The following HMCN1 variants were observed in gnomAD, a reference collection of about 807,000 sequenced individuals.
HMCN1 encodes the protein hemicentin 1, also known as hemicentin-1.
In HMCN1, 321 loss-of-function variants were observed where a neutral mutation model predicts 625.9. That is an observed-to-expected ratio of 0.51 (90% CI 0.47 to 0.56). HMCN1 has a LOEUF of 0.56. Among genes scored for constraint, HMCN1 ranks in the 20% least tolerant of loss-of-function variants. The pLI is 0.00. For missense variants in HMCN1, 6,588 were observed against 6,887.3 expected (o/e 0.96, Z 1.54); for synonymous variants, 2,425 against 2,417.6 (o/e 1.00, Z -0.09).
chr1:186,088,644 G>A lies in HMCN1; in HGVS notation c.9616G>A (p.Gly3206Ser). Residue 3206 changes from glycine to serine, a missense_variant, in exon 63 of 107, where the codon GGT (glycine) becomes AGT (serine). Transcript: ENST00000271588. The part of the protein sequence containing the change: ...DSLEVRILSG[G>S]SKLQIARSQH... ...ACTGGAAGTTCGTATTTTGTCTGGA[G>A]GTAGCAAACTCCAGATTGCCCGGTC... 1 of 1,611,960 alleles carries A rather than the reference G, an allele frequency of 6.2e-7. No homozygotes were observed. Among genetic ancestry groups the A allele is most frequent in the South Asian group, 1.1e-5 (1 of 90,986 alleles).
intron 65 of HMCN1, 113 bp downstream of exon 65, chr1:186,093,371 A>G (rs1332502173): frequency 5.7e-6 from 9 of 1,579,322 alleles, no homozygotes; most frequent in Admixed American, 5.0e-5. Context: ...TGATGCCACC[A>G]CTATTTCCTT....
intron 4 of HMCN1, among the ~76,000 whole-genome samples, chr1:185,893,054 G>T (rs529203797): frequency 1.3e-5 from 2 of 152,332 alleles, no homozygotes; most frequent in South Asian, 2.1e-4. Context: ...CAGTATTCGG[G>T]TGCAAGTGAC....
chr1:185,948,644 A>T (rs1427237209), intron 11 of HMCN1, among the ~76,000 whole-genome samples: 1 of 151,744 alleles, frequency 6.6e-6, no homozygotes, highest in Non-Finnish European at 1.5e-5. Flanking sequence ...TTCTTTTTTG[A>T]TTCTTCAGTT....
At chr1:186,100,581 T>TA (rs1056429608) in intron 68 of HMCN1, among the ~76,000 whole-genome samples, 9 of 152,250 alleles carry the variant, frequency 5.9e-5, no homozygotes, top group African/African-American at 1.9e-4. Flanking sequence ...TTCAAAGTTC[T>TA]AAAAACGGAA....
Position 186,037,926 on chromosome 1 carries a change from T to A in HMCN1, c.5750-8T>A. The A allele has an allele frequency of 6.5e-7, 1 of 1,541,834 alleles. No homozygotes were observed. Among genetic ancestry groups the A allele is most frequent in the Non-Finnish European group, 9.0e-7 (1 of 1,114,206 alleles). ...TAAGAAATAATTATCTGTTTGGGCC[T>A]CTTGTAGAACCACCTAGTCTGGAAG... On this transcript the variant is annotated splice_region_variant and splice_polypyrimidine_tract_variant and intron_variant, in intron 36 of 106. Coordinates refer to ENST00000271588, the MANE Select transcript of HMCN1 (RefSeq NM_031935.3).
intron 11 of HMCN1, among the ~76,000 whole-genome samples, chr1:185,947,117 A>C (rs529290241): frequency 6.6e-6 from 1 of 152,218 alleles, no homozygotes; most frequent in African/African-American, 2.4e-5. Flanking sequence ...GATTTTGCGT[A>C]GTTCTTTGCT....
At chr1:185,889,624 G>A (rs1664913431) in intron 4 of HMCN1, among the ~76,000 whole-genome samples, 1 of 137,940 alleles carries the variant, frequency 7.2e-6, no homozygotes, top group Admixed American at 7.0e-5. Context: ...ATTGATTTGT[G>A]TATATTGAAC....
intron 2 of HMCN1, among the ~76,000 whole-genome samples, chr1:185,850,037 G>T (rs188089654): frequency 6.6e-5 from 10 of 152,132 alleles, no homozygotes; most frequent in South Asian, 2.1e-4. Context: ...CATTGTTCTG[G>T]TTGTTTAAAT....
chr1:186,167,814 GTTCAT>G (rs1651973724), intron 100 of HMCN1, among the ~76,000 whole-genome samples: 1 of 152,064 alleles, frequency 6.6e-6, no homozygotes, highest in South Asian at 2.1e-4. Flanking sequence ...TGGCTTGATA[GTTCAT>G]TTCTTTTAAT....
chr1:186,005,802 A>C (rs1023910242), intron 29 of HMCN1, among the ~76,000 whole-genome samples: 2 of 152,160 alleles, frequency 1.3e-5, no homozygotes, highest in Non-Finnish European at 2.9e-5. Context: ...TTTCAAAGTT[A>C]CTTAAATTCG....
At chr1:185,879,711 G>A (rs1018194972) in intron 4 of HMCN1, among the ~76,000 whole-genome samples, 6 of 152,176 alleles carry the variant, frequency 3.9e-5, no homozygotes, top group African/African-American at 1.4e-4. Context: ...GCAGATTGTT[G>A]TGAGAAAGTA....
chr1:186,057,278 A>C lies in HMCN1; in HGVS notation c.7189A>C (p.Ser2397Arg). The C allele has an allele frequency of 6.2e-7, 1 of 1,611,272 alleles. No homozygotes were observed. The highest frequency in any genetic ancestry group is 8.5e-7 in the Non-Finnish European group (1 of 1,177,890). ...IGNHRSPENI[S>R]VVEKNSVSLT... The stretch of plus-strand genomic sequence containing the variant: ...AAACCACAGGTCACCTGAAAATATT[A>C]GTGTGGTAGAAAAGAACTCAGTATC... Residue 2397 changes from serine to arginine, a missense_variant, in exon 46 of 107, where the codon AGT becomes CGT. By Grantham distance (110) the Ser-to-Arg change is moderately radical. Coordinates refer to ENST00000271588, the MANE Select transcript of HMCN1 (RefSeq NM_031935.3).
intron 4 of HMCN1, among the ~76,000 whole-genome samples, chr1:185,871,956 C>A (rs1057477749): frequency 6.6e-6 from 1 of 152,042 alleles, no homozygotes; most frequent in Non-Finnish European, 1.5e-5. Flanking sequence ...GAGTTTCACT[C>A]CAAAAATTAT....
Position 186,114,114 on chromosome 1 carries a change from A to G in HMCN1, c.11267A>G (p.Asn3756Ser). 1.9e-6 allele frequency: 3 copies of G among 1,614,094 alleles called. No homozygotes were observed. The highest frequency in any genetic ancestry group is 2.5e-6 in the Non-Finnish European group (3 of 1,179,954). The change falls in exon 73 of 107, where the codon AAT (asparagine) becomes AGT (serine). Residue 3756 changes from asparagine (N) to serine (S), a missense_variant. Coordinates refer to ENST00000271588, the MANE Select transcript of HMCN1 (RefSeq NM_031935.3). ...AAGGATGGAGCTGTTCTAGCTGGGA[A>G]TCATGCAAGGTAACCATACTGGAAA... is the stretch of plus-strand genomic sequence containing the variant. ...WRKDGAVLAGNHARYSILENG... is the reference protein window; with the variant it reads ...WRKDGAVLAGSHARYSILENG...
At position 186,036,868 on chromosome 1, in the gene HMCN1, G is replaced by T. The variant is rs138876439; in HGVS notation, c.5750-1066G>T. On this transcript the variant is annotated intron_variant, in intron 36 of 106. Transcript: ENST00000271588. ...GCCTCCCAAAGTGCTGGGATTACAG[G>T]TGTGAGCTACCACACCCGGCCACCC... is the stretch of plus-strand genomic sequence containing the variant. 6.2e-3 allele frequency among the ~76,000 whole-genome samples: 951 copies of T among 152,192 alleles called. 13 individuals are homozygous for T. The highest frequency in any genetic ancestry group is 0.021 in the African/African-American group (885 of 41,518).
intron 1 of HMCN1, among the ~76,000 whole-genome samples, chr1:185,809,039 T>A (rs1659346192): frequency 6.6e-6 from 1 of 152,160 alleles, no homozygotes; most frequent in South Asian, 2.1e-4. Context: ...TTGGTCAAAT[T>A]ATATTTCGAC....
At position 186,055,565 on chromosome 1, in the gene HMCN1, T is replaced by G; in HGVS notation, c.7035T>G (p.Gly2345=). The stretch of plus-strand genomic sequence containing the variant: ...AGGGAGTAGAAATACTGGATGAAGG[T>G]CACATCCTTCAGCTGAAGAACATTC... ...KAKGVEILDE[G]HILQLKNIHV... The change falls in exon 45 of 107, where the codon GGT becomes GGG. Residue 2345 remains glycine (G), a synonymous_variant. Coordinates refer to ENST00000271588, the MANE Select transcript of HMCN1 (RefSeq NM_031935.3). 1 of 1,612,458 alleles carries G rather than the reference T, an allele frequency of 6.2e-7. No homozygotes were observed. Among genetic ancestry groups the G allele is most frequent in the Non-Finnish European group, 8.5e-7 (1 of 1,178,914 alleles).
At chr1:185,981,913 C>G (rs1310712206) in intron 17 of HMCN1, among the ~76,000 whole-genome samples, 1 of 152,098 alleles carries the variant, frequency 6.6e-6, no homozygotes, top group Non-Finnish European at 1.5e-5. Flanking sequence ...GAAAATGATC[C>G]TGATGATTCC....
Position 186,104,244 on chromosome 1 carries a change from C to G in HMCN1, c.10770+576C>G, listed in dbSNP as rs542534090. Among the ~76,000 whole-genome samples, 15 of 152,250 alleles carry G rather than the reference C, an allele frequency of 9.9e-5. 1 individual carries two copies. Among genetic ancestry groups the G allele is most frequent in the Admixed American group, 9.2e-4 (14 of 15,280 alleles). Reference sequence around the variant, plus strand: ...ACCTTATGTTACAATTATTCTCCATCTGAGCCCTAATGCCATCATTTATAA... The same window carrying G: ...ACCTTATGTTACAATTATTCTCCATGTGAGCCCTAATGCCATCATTTATAA... On this transcript the variant is annotated intron_variant, in intron 69 of 106. Coordinates refer to ENST00000271588, the MANE Select transcript of HMCN1 (RefSeq NM_031935.3).
Sources: allele counts gnomAD v4.1 joint callset (sites outside exome capture counted in the v4.1 genomes callset), GRCh38; gene constraint gnomAD v4.1.1; transcripts MANE v1.5; gene names NCBI Gene and HGNC (gene_info 2026-07-23, HGNC 2026-07-21).